The following PIEZO2 variants were observed in gnomAD, a reference collection of about 807,000 sequenced individuals.
PIEZO2 encodes piezo-type mechanosensitive ion channel component 2.
PIEZO2 carries 172 observed loss-of-function variants against 337.3 expected under a neutral mutation model. The observed-to-expected ratio is 0.51, with a 90% confidence interval of 0.45 to 0.58. PIEZO2 has a LOEUF of 0.58. Among genes scored for constraint, PIEZO2 ranks in the 20% least tolerant of loss-of-function variants. The pLI is 0.00. For synonymous variants in PIEZO2, 1,251 were observed against 1,228.5 expected (o/e 1.02, Z -0.38); for missense variants, 3,028 against 3,391.3 (o/e 0.89, Z 2.66).
At position 10,680,205 on chromosome 18, in the gene PIEZO2, A is replaced by G; in HGVS notation, c.7946T>C (p.Ile2649Thr). 1 of 1,611,562 alleles carries G rather than the reference A, an allele frequency of 6.2e-7. No homozygotes were observed. The highest frequency in any genetic ancestry group is 1.7e-5 in the Admixed American group (1 of 59,916). ...ATGGAAATACAGTAACTACCTCTGA[A>G]TACTCCATGAAAAAACAACAGAGAA... ...SSFSVVFSWSIQRNLSLGAKS... is the reference protein window; with the variant it reads ...SSFSVVFSWSTQRNLSLGAKS... The change falls in exon 52 of 56, where the codon ATT (isoleucine) becomes ACT (threonine). Residue 2649 changes from isoleucine to threonine, a missense_variant. Around this residue, in one of 5 missense-constraint regions of PIEZO2, gnomAD observed 332 missense variants for 363.8 expected, o/e 0.91. Coordinates refer to ENST00000674853, the MANE Select transcript of PIEZO2 (RefSeq NM_001378183.1).
At chr18:10,812,802 T>A (rs1171554277) in intron 7 of PIEZO2, among the ~76,000 whole-genome samples, 1 of 152,168 alleles carries the variant, frequency 6.6e-6, no homozygotes, top group African/African-American at 2.4e-5. Flanking sequence ...TGCTCGCACA[T>A]GTTGGCAGAT....
chr18:11,066,135 G>A lies in PIEZO2; in HGVS notation c.152C>T (p.Thr51Met), dbSNP rs371432372. ...TAACAAAATTCTCTTACCTTGCATC[G>A]TCGTTTTTGTTGGTTCTGAGAACAG... ...IPLFSEPTKT[T>M]MQGHTGRLLK... Residue 51 changes from threonine (T) to methionine (M), a missense_variant, in exon 2 of 56, where the codon ACG becomes ATG. This residue lies in a region of PIEZO2 where 542 missense variants were observed against 605.6 expected (regional missense o/e 0.89). Transcript: ENST00000674853. The A allele has an allele frequency of 5.5e-4, 835 of 1,531,728 alleles. No homozygotes were observed. The highest frequency in any genetic ancestry group is 7.0e-4 in the Non-Finnish European group (800 of 1,142,134). 94.9% of individuals were successfully genotyped at this position (1,531,728 alleles called of 1,614,324 possible). A position where few individuals can be genotyped will look rare whatever the true frequency, so the allele number is the denominator to read the frequency against.
rs115248520 is a variant in PIEZO2 at position 11,148,495 on chromosome 18, A to C, written c.64+30T>G. 808 of 1,536,392 alleles carry C rather than the reference A, an allele frequency of 5.3e-4. 3 individuals carry two copies. The African/African-American group carries it at 9.8e-3, about 19-fold the overall frequency. On this transcript the variant is annotated intron_variant, in intron 1 of 55. Transcript: ENST00000674853. This position sits in a 1 kb window ranked among gnomAD's most constrained non-coding sequence, Gnocchi z 5.2. The stretch of plus-strand genomic sequence containing the variant: ...CCCAGGCGCCCCCCTCGTCCTCCTC[A>C]AGTGCCCTCGGAAAGCGGACCAGAC...
chr18:10,989,804 C>A lies in PIEZO2; in HGVS notation c.161-10144G>T, dbSNP rs545249692. Among the ~76,000 whole-genome samples the A allele has an allele frequency of 3.1e-4, 47 of 152,134 alleles. No individual in the cohort carries two copies. The South Asian group carries it at 8.9e-3, about 29-fold the overall frequency. ...CAAATGAATGACATTTTACACCCCA[C>A]AGATTAGAAAAAAATCATAATAGGG... On this transcript the variant is annotated intron_variant, in intron 2 of 55. Coordinates refer to ENST00000674853, the MANE Select transcript of PIEZO2 (RefSeq NM_001378183.1).
In PIEZO2 at chr18:10,783,374, A is replaced by G. The variant is rs1172412349; in HGVS notation, c.2492+1410T>C. ...AAACAATGTCAAAATAATGATTAAA[A>G]AAATCCTTTTTCTGATTATTGACAA... On this transcript the variant is annotated intron_variant, in intron 17 of 55. Transcript: ENST00000674853. The surrounding 1 kb of genome is among the most constrained non-coding windows in gnomAD (Gnocchi z 4.3). Among the ~76,000 whole-genome samples, 2 of 152,232 alleles carry G rather than the reference A, an allele frequency of 1.3e-5. No individual in the cohort carries two copies. Among genetic ancestry groups the G allele is most frequent in the Admixed American group, 1.3e-4 (2 of 15,284 alleles).
rs942507335 is a variant in PIEZO2 at position 11,125,699 on chromosome 18, T to C, written c.64+22826A>G. Among the ~76,000 whole-genome samples the C allele has an allele frequency of 2.6e-5, 4 of 152,210 alleles. No homozygotes were observed. Among genetic ancestry groups the C allele is most frequent in the African/African-American group, 9.6e-5 (4 of 41,454 alleles). Reference sequence around the variant, plus strand: ...AGGTCTATGCCAGGAAAAGAGAGTCTAGTTCAGGGCAGGACAACATTCCAG... The same window carrying C: ...AGGTCTATGCCAGGAAAAGAGAGTCCAGTTCAGGGCAGGACAACATTCCAG... On this transcript the variant is annotated intron_variant, in intron 1 of 55. Transcript: ENST00000674853. The surrounding 1 kb of genome is among the most constrained non-coding windows in gnomAD (Gnocchi z 4.4).
intron 39 of PIEZO2, among the ~76,000 whole-genome samples, chr18:10,711,375 C>G (rs2035812703): frequency 6.6e-6 from 1 of 151,970 alleles, no homozygotes; most frequent in African/African-American, 2.4e-5. Flanking sequence ...TCTAGAGCAT[C>G]TTTTTTCAAG....
At chr18:10,812,633 G>T (rs2040231160) in intron 7 of PIEZO2, among the ~76,000 whole-genome samples, 1 of 152,048 alleles carries the variant, frequency 6.6e-6, no homozygotes, top group African/African-American at 2.4e-5. Context: ...GAGGTCCAGC[G>T]CACGGTTCAT....
In PIEZO2 at chr18:11,088,415, C is replaced by T. The variant is rs566353740; in HGVS notation, c.65-22193G>A. Among the ~76,000 whole-genome samples the T allele has an allele frequency of 6.6e-5, 10 of 152,378 alleles. No individual in the cohort carries two copies. The South Asian group carries it at 1.7e-3, about 25-fold the overall frequency. The stretch of plus-strand genomic sequence containing the variant: ...CATTGGATTTCTATTTTAAACAACA[C>T]TTCACCTCTGCAATGCAGAAACAAG... On this transcript the variant is annotated intron_variant, in intron 1 of 55. Transcript: ENST00000674853.
At position 10,774,047 on chromosome 18, in the gene PIEZO2, A is replaced by G. The variant is rs752983545; in HGVS notation, c.2535-9T>C. 1.0e-5 allele frequency: 7 copies of G among 702,910 alleles called. No homozygotes were observed. The highest frequency in any genetic ancestry group is 1.6e-5 in the Non-Finnish European group (6 of 385,000). 43.5% of individuals were successfully genotyped at this position (702,910 alleles called of 1,614,324 possible). On this transcript the variant is annotated splice_polypyrimidine_tract_variant and intron_variant, in intron 18 of 55. Transcript: ENST00000674853. ...GTAATTTTTTCTTGATGCTGCTCATAGTAATTGAAATAGAAAGGAAAAAAA... is the reference window on the plus strand; with the variant it reads ...GTAATTTTTTCTTGATGCTGCTCATGGTAATTGAAATAGAAAGGAAAAAAA...
In PIEZO2 at chr18:10,821,796, C is replaced by T. The variant is rs1230259066; in HGVS notation, c.918-14522G>A. On this transcript the variant is annotated intron_variant, in intron 7 of 55. Transcript: ENST00000674853. This position sits in a 1 kb window ranked among gnomAD's most constrained non-coding sequence, Gnocchi z 4.2. ...ACATCCTCTTTCAACTTCTTCCACACTTTTGTCTTTCTTGAATTCTTAGCA... is the reference window on the plus strand; with the variant it reads ...ACATCCTCTTTCAACTTCTTCCACATTTTTGTCTTTCTTGAATTCTTAGCA... Among the ~76,000 whole-genome samples the T allele has an allele frequency of 6.6e-6, 1 of 152,198 alleles. No homozygotes were observed. The highest frequency in any genetic ancestry group is 1.5e-5 in the Non-Finnish European group (1 of 68,042).
chr18:11,130,919 T>C (rs2040322346), intron 1 of PIEZO2, among the ~76,000 whole-genome samples: 1 of 152,226 alleles, frequency 6.6e-6, no homozygotes, highest in South Asian at 2.1e-4. Flanking sequence ...TCCAGGCTGC[T>C]GTACAAGCTG....
intron 39 of PIEZO2, chr18:10,709,050 C>A (rs564946225): frequency 6.6e-6 from 1 of 152,188 alleles, no homozygotes; most frequent in Non-Finnish European, 1.5e-5. Flanking sequence ...GTTTAATATG[C>A]AGTGGATATA....
At chr18:11,043,526 G>T (rs1213496107) in intron 2 of PIEZO2, among the ~76,000 whole-genome samples, 1 of 152,040 alleles carries the variant, frequency 6.6e-6, no homozygotes, top group Admixed American at 6.6e-5. Context: ...GTTAATTTTG[G>T]AGATTTTTTC....
rs183372701 is a variant in PIEZO2 at position 10,866,983 on chromosome 18, G to A, written c.492+4270C>T. Reference sequence around the variant, plus strand: ...CCCAGTTTCTGAAAGTGACCTTAAGGACCAGCAAAGGGAGTCGCCCACTTT... The same window carrying A: ...CCCAGTTTCTGAAAGTGACCTTAAGAACCAGCAAAGGGAGTCGCCCACTTT... On this transcript the variant is annotated intron_variant, in intron 5 of 55. Transcript: ENST00000674853. Among the ~76,000 whole-genome samples the A allele has an allele frequency of 9.0e-3, 1,369 of 152,276 alleles. 11 individuals carry two copies. The highest frequency in any genetic ancestry group is 0.034 in the Middle Eastern group (10 of 294).
At chr18:10,776,044 A>C (rs2038774583) in intron 18 of PIEZO2, among the ~76,000 whole-genome samples, 1 of 152,266 alleles carries the variant, frequency 6.6e-6, no homozygotes, top group Non-Finnish European at 1.5e-5. Context: ...AACATAGATA[A>C]AAATATTTTA....
intron 1 of PIEZO2, among the ~76,000 whole-genome samples, chr18:11,134,640 A>C (rs2040431073): frequency 6.6e-6 from 1 of 152,198 alleles, no homozygotes; most frequent in Non-Finnish European, 1.5e-5. Context: ...TGGTCAGATA[A>C]GTTTGGAAAA....
intron 31 of PIEZO2, 32 bp from the exon 32 acceptor site, chr18:10,742,647 G>T: frequency 6.5e-7 from 1 of 1,534,926 alleles, no homozygotes; most frequent in Non-Finnish European, 8.7e-7. Flanking sequence ...GTAATGCCAA[G>T]AACATATTCA....
At chr18:11,138,347 G>A (rs2040547790) in intron 1 of PIEZO2, among the ~76,000 whole-genome samples, 1 of 152,212 alleles carries the variant, frequency 6.6e-6, no homozygotes, top group African/African-American at 2.4e-5. Flanking sequence ...CCAAGCTGGA[G>A]TACGGTGGCA....
Sources: gnomAD v4.1 joint callset for allele counts (sites outside exome capture counted in the v4.1 genomes callset) on GRCh38, gnomAD v4.1.1 for gene constraint, gnomAD v4.1.1 regional missense constraint, Gnocchi (gnomAD v3.1) non-coding constraint, MANE v1.5 for transcripts, NCBI Gene and HGNC (gene_info 2026-07-23, HGNC 2026-07-21) for gene names.